SEC31B: variants seen among roughly 807,000 people sequenced by gnomAD.
SEC31B encodes protein transport protein Sec31B.
SEC31B carries 113 observed loss-of-function variants against 135.0 expected under a neutral mutation model. The observed-to-expected ratio is 0.84, with a 90% CI of 0.72 to 0.98. The LOEUF is 0.98. SEC31B is among the 50% of genes least tolerant of loss of function. The pLI is 0.00. For synonymous variants in SEC31B, 508 were observed against 549.4 expected, an observed-to-expected ratio of 0.92 and a Z score of 1.05; for missense variants, 1,296 against 1,421.1, an observed-to-expected ratio of 0.91 and a Z score of 1.42.
chr10:100,505,772 A>G (rs1042128191), intron 9 of SEC31B: 33 of 1,416,768 alleles, frequency 2.3e-5, no homozygotes, highest in African/African-American at 2.9e-5. Flanking sequence ...TACTCTTGAA[A>G]TAACTGTCCC....
intron 19 of SEC31B, 30 bp downstream of exon 19, chr10:100,495,355 G>A (rs775401544): frequency 3.1e-6 from 5 of 1,597,752 alleles, no homozygotes; most frequent in Admixed American, 1.7e-5. Flanking sequence ...ATTATTGAAT[G>A]AACAAATGAA....
chr10:100,502,512 G>A (rs754360457), intron 10 of SEC31B, 28 bp from the exon 11 acceptor site: 2 of 1,500,064 alleles, frequency 1.3e-6, no homozygotes, highest in Non-Finnish European at 1.8e-6. Flanking sequence ...GAAGGGTAAA[G>A]GTTATACCTT....
Position 100,496,523 on chromosome 10 carries a change from G to A in SEC31B, c.2137-92C>T, listed in dbSNP as rs144534936. On this transcript the variant is annotated intron_variant, in intron 17 of 25. Transcript: ENST00000370345. ...GCTCATTCAGGGATCTCCCACTATG[G>A]GTACAGATGAGGGCACCTGACCATA... is the stretch of plus-strand genomic sequence containing the variant. 8.5e-5 allele frequency: 116 copies of A among 1,366,270 alleles called. No homozygotes were observed. The African/African-American group carries it at 1.6e-3, about 19-fold the overall frequency. The allele number at this position is 1,366,270 out of a possible 1,614,324, so 84.6% of individuals were successfully genotyped here. A position where few individuals can be genotyped will look rare whatever the true frequency, so the allele number is the denominator to read the frequency against.
chr10:100,516,793 G>A, intron 2 of SEC31B, 81 bp downstream of exon 2: 1 of 1,054,446 alleles, frequency 9.5e-7, no homozygotes, highest in Admixed American at 1.9e-5. Context: ...TTTCTCTGAT[G>A]TTCAATAAAT....
chr10:100,517,797 A>G (rs1851876696), intron 1 of SEC31B, among the ~76,000 whole-genome samples: 2 of 151,872 alleles, frequency 1.3e-5, no homozygotes, highest in African/African-American at 4.8e-5. Flanking sequence ...AGTTTTTTTC[A>G]TCTTGGTAAA....
In SEC31B at chr10:100,497,693, C is replaced by T. The variant is rs1220673464; in HGVS notation, c.1964G>A (p.Gly655Asp). The stretch of plus-strand genomic sequence containing the variant: ...ACAGAGCTCGGGAAATTTCTCTGTG[C>T]CTGAGTATGTCAGTAGCAAAGCCAG... Reference protein sequence around the residue: ...EALALLLTYSGTEKFPELCDM... With the variant: ...EALALLLTYSDTEKFPELCDM... Residue 655 changes from glycine (G) to aspartate (D), a missense_variant, in exon 16 of 26, where the codon GGC becomes GAC. Transcript: ENST00000370345. The T allele has an allele frequency of 1.2e-6, 2 of 1,614,218 alleles. No individual in the cohort carries two copies. Among genetic ancestry groups the T allele is most frequent in the Admixed American group, 3.3e-5 (2 of 60,032 alleles).
rs1851208919 is a variant in SEC31B at position 100,487,744 on chromosome 10, C to T, written c.3412G>A (p.Ala1138Thr). 1 of 1,614,046 alleles carries T rather than the reference C, an allele frequency of 6.2e-7. No individual in the cohort carries two copies. Among genetic ancestry groups the T allele is most frequent in the Non-Finnish European group, 8.5e-7 (1 of 1,179,976 alleles). Residue 1138 changes from alanine (A) to threonine (T), a missense_variant, in exon 26 of 26, where the codon GCA becomes ACA. Coordinates refer to ENST00000370345, the MANE Select transcript of SEC31B (RefSeq NM_015490.4). ...GCAAGGCCCTGCTCAAAGCTTCCTG[C>T]ATCCACACATCGGGCAACCTCATGG... ...GLHEVARCVD[A>T]GSFEQGLAVH...
intron 1 of SEC31B, among the ~76,000 whole-genome samples, 166 bp downstream of exon 1, chr10:100,519,616 C>G (rs1196603675): frequency 6.6e-6 from 1 of 152,244 alleles, no homozygotes; most frequent in Non-Finnish European, 1.5e-5. Flanking sequence ...CAAGGGTAGA[C>G]GTAGTGGAGG....
chr10:100,500,416 G>T (rs1851499279), intron 11 of SEC31B, among the ~76,000 whole-genome samples: 1 of 151,982 alleles, frequency 6.6e-6, no homozygotes, highest in South Asian at 2.1e-4. Context: ...CAGGGTTCAA[G>T]TGATTCTCCT....
rs867148937 is a variant in SEC31B at position 100,498,714 on chromosome 10, T to C, written c.1675A>G (p.Ile559Val). 6.2e-6 allele frequency: 10 copies of C among 1,612,058 alleles called. No individual in the cohort carries two copies. The African/African-American group carries it at 6.7e-5, about 11-fold the overall frequency. ...CTCAGGGTCAGGGTACCTTTTGTGA[T>C]GGGGATCTCCCAAGGAGTCATGTTC... The part of the protein sequence containing the change: ...PQNMTPWEIP[I>V]TKDIDGLLSQ... Residue 559 changes from isoleucine (I) to valine (V), a missense_variant, in exon 14 of 26, where the codon ATC (isoleucine) becomes GTC (valine). Coordinates refer to ENST00000370345, the MANE Select transcript of SEC31B (RefSeq NM_015490.4).
intron 16 of SEC31B, 177 bp downstream of exon 16, chr10:100,497,490 C>G: frequency 2.0e-6 from 3 of 1,479,750 alleles, no homozygotes. Context: ...AGGATCCCCT[C>G]TGAAAATAGG....
At chr10:100,498,956 G>A in intron 13 of SEC31B, 152 bp from the exon 14 acceptor site, 1 of 702,506 alleles carries the variant, frequency 1.4e-6, no homozygotes, top group East Asian at 2.7e-5. Flanking sequence ...CATAGTTCAT[G>A]GTTAAGACAC....
At position 100,498,687 on chromosome 10, in the gene SEC31B, C is replaced by T. The variant is rs1851459888; in HGVS notation, c.1684+18G>A. 2 of 1,578,978 alleles carry T rather than the reference C, an allele frequency of 1.3e-6. No individual in the cohort carries two copies. Among genetic ancestry groups the T allele is most frequent in the African/African-American group, 1.3e-5 (1 of 74,264 alleles). ...AGTCCTAAGCAGAGACTCTCCCTCT[C>T]CCTCAGGGTCAGGGTACCTTTTGTG... is the stretch of plus-strand genomic sequence containing the variant. On this transcript the variant is annotated intron_variant, in intron 14 of 25. Transcript: ENST00000370345.
At chr10:100,501,097 A>C (rs1851514485) in intron 11 of SEC31B, among the ~76,000 whole-genome samples, 1 of 151,908 alleles carries the variant, frequency 6.6e-6, no homozygotes, top group Non-Finnish European at 1.5e-5. Context: ...TCTAAAAAAA[A>C]ATACAGGCGT....
intron 5 of SEC31B, 89 bp downstream of exon 5, chr10:100,508,918 T>C (rs894435204): frequency 1.2e-5 from 12 of 1,023,828 alleles, no homozygotes; most frequent in Non-Finnish European, 1.8e-5. Flanking sequence ...TTGATATCTC[T>C]TGAGCTCTGA....
At chr10:100,499,796 C>G (rs550733145) in intron 11 of SEC31B, among the ~76,000 whole-genome samples, 198 bp from the exon 12 acceptor site, 79 of 152,306 alleles carry the variant, frequency 5.2e-4, no homozygotes, top group Non-Finnish European at 9.9e-4. Context: ...GTTAACATAG[C>G]CCCCTGCCCT....
rs746047059 is a variant in SEC31B at position 100,499,129 on chromosome 10, A to G, written c.1584+31T>C. ...CAAAAGGCAGGTTTCCTGTGTTACC[A>G]TAGGTCAGGCTGACTGGACTCCTAC... On this transcript the variant is annotated intron_variant, in intron 13 of 25. Transcript: ENST00000370345. The G allele has an allele frequency of 1.9e-6, 3 of 1,580,106 alleles. No individual in the cohort carries two copies. The South Asian group carries it at 3.3e-5, about 18-fold the overall frequency.
rs1851242271 is a variant in SEC31B, at chr10:100,488,850, A to T, written c.3288+8T>A. 1 of 1,581,266 alleles carries T rather than the reference A, an allele frequency of 6.3e-7. No individual in the cohort carries two copies. Among genetic ancestry groups the T allele is most frequent in the Non-Finnish European group, 8.6e-7 (1 of 1,164,408 alleles). ...GAGGAGGGCACTGTGAAGAAGGTTC[A>T]GACTTACTAAGTCAGTTGCAGACAG... On this transcript the variant is annotated splice_region_variant and intron_variant, in intron 24 of 25. Coordinates refer to ENST00000370345, the MANE Select transcript of SEC31B (RefSeq NM_015490.4).
chr10:100,498,287 C>G, intron 14 of SEC31B, 80 bp from the exon 15 acceptor site: 3 of 1,223,972 alleles, frequency 2.5e-6, no homozygotes, highest in Non-Finnish European at 2.3e-6. Flanking sequence ...ACAGCACACC[C>G]TCTATATCTC....
Sources: allele counts gnomAD v4.1 joint callset (sites outside exome capture counted in the v4.1 genomes callset), GRCh38; gene constraint gnomAD v4.1.1; transcripts MANE v1.5; gene names NCBI Gene and HGNC (gene_info 2026-07-23, HGNC 2026-07-21).